TYR: variants seen among roughly 807,000 people sequenced by gnomAD.
The protein encoded by TYR is tyrosinase.
In TYR, 58 loss-of-function variants were observed where a neutral mutation model predicts 51.5. The observed-to-expected ratio is 1.13, with a 90% CI of 0.91 to 1.40. The LOEUF (loss-of-function observed/expected upper bound fraction) is 1.40, where lower values mean the gene tolerates loss of function less well. Ranked by LOEUF, TYR falls within the 40% of genes most tolerant of loss-of-function variation. The pLI, the probability that TYR is intolerant of heterozygous loss-of-function variation, is 0.00. For missense variants in TYR, 732 were observed against 647.4 expected, an observed-to-expected ratio of 1.13 and a Z score of -1.42; for synonymous variants, 263 against 235.2, an observed-to-expected ratio of 1.12 and a Z score of -1.08.
At chr11:89,220,919 T>C (rs1345012101) in intron 2 of TYR, among the ~76,000 whole-genome samples, 1 of 152,118 alleles carries the variant, frequency 6.6e-6, no homozygotes, top group Non-Finnish European at 1.5e-5. Flanking sequence ...AATTAAGTAG[T>C]AGAGAAGAGA....
At chr11:89,228,639 C>T (rs1397190674) in intron 3 of TYR, among the ~76,000 whole-genome samples, 2 of 152,166 alleles carry the variant, frequency 1.3e-5, no homozygotes, top group Non-Finnish European at 2.9e-5. Context: ...GAAGTACAAA[C>T]TGATCTCTTC....
intron 2 of TYR, among the ~76,000 whole-genome samples, chr11:89,210,362 G>GGATATCAGT (rs142953886): frequency 0.39 from 47,392 of 121,774 alleles, 8,064 homozygotes; most frequent in African/African-American, 0.61. Flanking sequence ...GAGGAAGAAA[G>GGATATCAGT]GATTGAAGAT....
intron 2 of TYR, among the ~76,000 whole-genome samples, chr11:89,202,338 T>G (rs542752888): frequency 6.6e-6 from 1 of 152,120 alleles, no homozygotes; most frequent in Admixed American, 6.6e-5. Context: ...CACACAACCT[T>G]CTAGTATTTG....
chr11:89,289,137 A>T (rs1425531196), intron 4 of TYR, among the ~76,000 whole-genome samples: 1 of 152,040 alleles, frequency 6.6e-6, no homozygotes. Flanking sequence ...TATGTCTTCA[A>T]TGTTGTTGAT....
Position 89,227,857 on chromosome 11 carries a change from C to T in TYR, c.1071C>T (p.Ala357=), listed in dbSNP as rs1943996724. 1 of 1,612,986 alleles carries T rather than the reference C, an allele frequency of 6.2e-7. No homozygotes were observed. The highest frequency in any genetic ancestry group is 8.5e-7 in the Non-Finnish European group (1 of 1,179,662). Reference sequence around the variant, plus strand: ...GTCCACTTACTGGGATAGCGGATGCCTCTCAAAGCAGCATGCACAATGCCT... The same window carrying T: ...GTCCACTTACTGGGATAGCGGATGCTTCTCAAAGCAGCATGCACAATGCCT... ...FASPLTGIAD[A]SQSSMHNALH... The change falls in exon 3 of 5, where the codon GCC becomes GCT. Residue 357 remains alanine (A), a synonymous_variant. Transcript: ENST00000263321.
intron 3 of TYR, among the ~76,000 whole-genome samples, chr11:89,248,246 C>A (rs1944290267): frequency 6.6e-6 from 1 of 151,940 alleles, no homozygotes; most frequent in Non-Finnish European, 1.5e-5. Flanking sequence ...AAAATATTTG[C>A]ATTCTAGTGA....
At chr11:89,265,632 GTTAT>G (rs1013851856) in intron 3 of TYR, among the ~76,000 whole-genome samples, 2 of 151,982 alleles carry the variant, frequency 1.3e-5, no homozygotes, top group African/African-American at 4.8e-5. Flanking sequence ...TCTACCCTCT[GTTAT>G]TTGTTTGTTC....
At position 89,237,236 on chromosome 11, in the gene TYR, T is replaced by C. The variant is rs538837335; in HGVS notation, c.1184+9266T>C. Among the ~76,000 whole-genome samples, 3 of 152,294 alleles carry C rather than the reference T, an allele frequency of 2.0e-5. No individual in the cohort carries two copies. In the South Asian group the frequency reaches 6.2e-4, roughly 32 times the overall value. Reference sequence around the variant, plus strand: ...TAATCCTGTTTGTATATTTTTTATTTTCGTTGCCTGTGCTTTGAGGATCAT... The same window carrying C: ...TAATCCTGTTTGTATATTTTTTATTCTCGTTGCCTGTGCTTTGAGGATCAT... On this transcript the variant is annotated intron_variant, in intron 3 of 4. Transcript: ENST00000263321.
At chr11:89,240,229 G>A (rs1944174120) in intron 3 of TYR, among the ~76,000 whole-genome samples, 1 of 151,764 alleles carries the variant, frequency 6.6e-6, no homozygotes. Flanking sequence ...TCCTGCACAT[G>A]TACCCTGAAC....
intron 2 of TYR, among the ~76,000 whole-genome samples, chr11:89,199,229 G>A (rs907537504): frequency 3.3e-5 from 5 of 152,058 alleles, no homozygotes; most frequent in East Asian, 1.9e-4. Context: ...ATATGTGTGC[G>A]TCTTTATAGC....
chr11:89,262,426 G>A (rs889559771), intron 3 of TYR, among the ~76,000 whole-genome samples: 1 of 151,630 alleles, frequency 6.6e-6, no homozygotes. Flanking sequence ...ATAACCACCA[G>A]CCTTAGAAAC....
rs1177220697 is a variant in TYR at position 89,277,020 on chromosome 11, T to C, written c.1185-7753T>C. Among the ~76,000 whole-genome samples the C allele has an allele frequency of 3.3e-5, 5 of 151,920 alleles. No homozygotes were observed. In the East Asian group the frequency reaches 9.8e-4, roughly 30 times the overall value. On this transcript the variant is annotated intron_variant, in intron 3 of 4. Coordinates refer to ENST00000263321, the MANE Select transcript of TYR (RefSeq NM_000372.5). ...CAATCATTTATATTGTCTCATTTTA[T>C]CCTTAACTATTGTTACTTGACATTT...
chr11:89,187,868 C>T (rs964629566), intron 1 of TYR, among the ~76,000 whole-genome samples: 2 of 151,690 alleles, frequency 1.3e-5, no homozygotes, highest in African/African-American at 2.4e-5. Flanking sequence ...GAGTTTATCA[C>T]CTAACAGGTA....
At chr11:89,203,143 T>A (rs1943622618) in intron 2 of TYR, among the ~76,000 whole-genome samples, 1 of 152,222 alleles carries the variant, frequency 6.6e-6, no homozygotes, top group South Asian at 2.1e-4. Flanking sequence ...TGATACCTTG[T>A]ACATTTTCAA....
chr11:89,213,170 T>C (rs1445048730), intron 2 of TYR, among the ~76,000 whole-genome samples: 2 of 152,192 alleles, frequency 1.3e-5, no homozygotes, highest in African/African-American at 4.8e-5. Context: ...GATGATATGA[T>C]TGTATATTTA....
At chr11:89,229,293 A>G (rs1944012939) in intron 3 of TYR, among the ~76,000 whole-genome samples, 1 of 152,110 alleles carries the variant, frequency 6.6e-6, no homozygotes, top group Non-Finnish European at 1.5e-5. Context: ...ACATGTATGA[A>G]CACCAAAGTG....
intron 2 of TYR, among the ~76,000 whole-genome samples, chr11:89,218,961 CTT>C (rs1177874143): frequency 2.0e-5 from 3 of 152,158 alleles, no homozygotes; most frequent in Non-Finnish European, 4.4e-5. Context: ...AGTTAAATGA[CTT>C]TTGTAAATTT....
chr11:89,215,941 A>G (rs1378993616), intron 2 of TYR, among the ~76,000 whole-genome samples: 1 of 152,224 alleles, frequency 6.6e-6, no homozygotes, highest in African/African-American at 2.4e-5. Context: ...TTAAACATAG[A>G]AAACCTCTGT....
intron 3 of TYR, among the ~76,000 whole-genome samples, chr11:89,237,506 C>T (rs1489293649): frequency 1.3e-5 from 2 of 152,086 alleles, no homozygotes; most frequent in African/African-American, 2.4e-5. Context: ...ATCATAAATG[C>T]TTGACTTTAT....
Sources: gnomAD v4.1 joint callset for allele counts (sites outside exome capture counted in the v4.1 genomes callset) on GRCh38, gnomAD v4.1.1 for gene constraint, MANE v1.5 for transcripts, NCBI Gene and HGNC (gene_info 2026-07-23, HGNC 2026-07-21) for gene names.